The following COMMD10 variants were observed in gnomAD, a reference collection of about 807,000 sequenced individuals.
The protein encoded by COMMD10 is COMM domain containing 10.
A neutral mutation model predicts 28.9 loss-of-function variants in COMMD10; 33 were observed. The observed-to-expected ratio is 1.14, with a 90% CI of 0.87 to 1.53. The LOEUF (loss-of-function observed/expected upper bound fraction) is 1.53. COMMD10 is among the 40% of genes most tolerant of loss of function. The pLI, the probability that COMMD10 is intolerant of heterozygous loss-of-function variation, is 0.00. For missense variants in COMMD10, 310 were observed against 233.4 expected (o/e 1.33, Z -2.14); for synonymous variants, 110 against 81.7 (o/e 1.35, Z -1.87).
At chr5:116,104,187 G>C (rs1393070850) in intron 4 of COMMD10, among the ~76,000 whole-genome samples, 1 of 152,222 alleles carries the variant, frequency 6.6e-6, no homozygotes, top group Non-Finnish European at 1.5e-5. Context: ...TGTGAGGAAA[G>C]TCAATGGTAG....
At chr5:116,283,699 A>C (rs1293114734) in intron 5 of COMMD10, among the ~76,000 whole-genome samples, 1 of 151,696 alleles carries the variant, frequency 6.6e-6, no homozygotes, top group East Asian at 1.9e-4. Flanking sequence ...AAATCTGATC[A>C]ATGTTTCGTA....
At chr5:116,162,859 T>C (rs80045614) in intron 5 of COMMD10, among the ~76,000 whole-genome samples, 3,273 of 104,198 alleles carry the variant, frequency 0.031, 107 homozygotes, top group African/African-American at 0.11. Context: ...GGAACTATTT[T>C]AGATACAACA....
chr5:116,267,033 G>A (rs1750605867), intron 5 of COMMD10, among the ~76,000 whole-genome samples: 1 of 151,818 alleles, frequency 6.6e-6, no homozygotes. Context: ...TTGAAAAGTG[G>A]CACAAGACAA....
intron 5 of COMMD10, among the ~76,000 whole-genome samples, chr5:116,267,380 C>A (rs1016433811): frequency 1.3e-5 from 2 of 151,788 alleles, no homozygotes; most frequent in Admixed American, 6.6e-5. Flanking sequence ...ACCTAGGAAT[C>A]CAATTTACAA....
chr5:116,184,619 C>G (rs768001352), intron 5 of COMMD10, among the ~76,000 whole-genome samples: 4 of 152,044 alleles, frequency 2.6e-5, no homozygotes, highest in Non-Finnish European at 5.9e-5. Flanking sequence ...AACTTTTACT[C>G]CAGCAGCAGT....
At chr5:116,179,722 G>T (rs1274938514) in intron 5 of COMMD10, among the ~76,000 whole-genome samples, 1 of 152,216 alleles carries the variant, frequency 6.6e-6, no homozygotes, top group East Asian at 1.9e-4. Context: ...TGCTTTTATA[G>T]ATTTCTTGAG....
chr5:116,166,678 CCT>C (rs1753110426), intron 5 of COMMD10, among the ~76,000 whole-genome samples: 1 of 152,154 alleles, frequency 6.6e-6, no homozygotes, highest in South Asian at 2.1e-4. Context: ...TTTGCAGCCT[CCT>C]CTGGTGATAC....
At chr5:116,164,941 G>A (rs548933088) in intron 5 of COMMD10, among the ~76,000 whole-genome samples, 250 of 152,314 alleles carry the variant, frequency 1.6e-3, no homozygotes, top group African/African-American at 5.7e-3. Flanking sequence ...AAGTACCCAT[G>A]AAGACTTGGA....
chr5:116,111,241 T>A (rs35021727), intron 4 of COMMD10, among the ~76,000 whole-genome samples: 5,193 of 152,240 alleles, frequency 0.034, 122 homozygotes, highest in Non-Finnish European at 0.056. Context: ...ATTAATTTTT[T>A]AATTTTTTTT....
chr5:116,208,557 A>AT (rs1748876948), intron 5 of COMMD10, among the ~76,000 whole-genome samples: 1 of 152,210 alleles, frequency 6.6e-6, no homozygotes, highest in African/African-American at 2.4e-5. Flanking sequence ...TTAGAAGGAT[A>AT]GGGACCACAG....
intron 5 of COMMD10, among the ~76,000 whole-genome samples, chr5:116,176,736 A>G (rs1317863125): frequency 1.3e-5 from 2 of 152,050 alleles, no homozygotes; most frequent in Admixed American, 1.3e-4. Flanking sequence ...ATTGATTCTC[A>G]TGTTATTTCT....
intron 5 of COMMD10, among the ~76,000 whole-genome samples, chr5:116,205,979 A>T (rs959895748): frequency 6.6e-6 from 1 of 152,112 alleles, no homozygotes; most frequent in Non-Finnish European, 1.5e-5. Context: ...TATCATTTGT[A>T]TGATAGTGTC....
chr5:116,240,920 A>G (rs188154299), intron 5 of COMMD10, among the ~76,000 whole-genome samples: 1 of 152,300 alleles, frequency 6.6e-6, no homozygotes, highest in East Asian at 1.9e-4. Context: ...ATTCCAGGCT[A>G]CAAGATTAAT....
At chr5:116,223,770 G>A (rs1309368001) in intron 5 of COMMD10, among the ~76,000 whole-genome samples, 1 of 152,188 alleles carries the variant, frequency 6.6e-6, no homozygotes, top group African/African-American at 2.4e-5. Flanking sequence ...GATCGTAGGA[G>A]TGGAGGCAGT....
intron 5 of COMMD10, among the ~76,000 whole-genome samples, chr5:116,283,723 A>G (rs1329913179): frequency 1.3e-5 from 2 of 151,918 alleles, no homozygotes; most frequent in Admixed American, 6.5e-5. Context: ...GTCTTACTGC[A>G]TAATGGCAGT....
intron 5 of COMMD10, among the ~76,000 whole-genome samples, chr5:116,174,064 C>T (rs1486801263): frequency 6.6e-6 from 1 of 152,026 alleles, no homozygotes; most frequent in Non-Finnish European, 1.5e-5. Flanking sequence ...TATACTCTAT[C>T]AGGTTGTGAT....
At chr5:116,122,248 C>T (rs1312797161) in intron 4 of COMMD10, among the ~76,000 whole-genome samples, 3 of 152,146 alleles carry the variant, frequency 2.0e-5, no homozygotes, top group Non-Finnish European at 4.4e-5. Context: ...AATCCTTTCC[C>T]CATTTCTTGT....
At chr5:116,196,183 A>C (rs866466930) in intron 5 of COMMD10, among the ~76,000 whole-genome samples, 1 of 152,192 alleles carries the variant, frequency 6.6e-6, no homozygotes, top group Non-Finnish European at 1.5e-5. Flanking sequence ...CATGGAACCA[A>C]CCCAAATAAA....
chr5:116,121,788 A>C (rs923235464), intron 4 of COMMD10, among the ~76,000 whole-genome samples: 1 of 151,274 alleles, frequency 6.6e-6, no homozygotes, highest in African/African-American at 2.4e-5. Context: ...TCTTTTGAGA[A>C]GTGTCTGTTC....
Sources: allele counts gnomAD v4.1 joint callset (sites outside exome capture counted in the v4.1 genomes callset), GRCh38; gene constraint gnomAD v4.1.1; transcripts MANE v1.5; gene names NCBI Gene and HGNC (gene_info 2026-07-23, HGNC 2026-07-21).